Variants in CALCRL observed in about 807,000 individuals in gnomAD.
CALCRL encodes calcitonin gene-related peptide type 1 receptor.
Under a neutral mutation model 60.4 loss-of-function variants are expected in CALCRL, and 27 were observed. The ratio of observed to expected loss-of-function variants is 0.45; its 90% confidence interval spans 0.33 to 0.62. The LOEUF (loss-of-function observed/expected upper bound fraction) is 0.62. Among genes scored for constraint, CALCRL ranks in the 20% least tolerant of loss-of-function variants. CALCRL has a pLI of 0.03. For synonymous variants in CALCRL, 190 were observed against 182.6 expected (o/e 1.04, Z -0.33); for missense variants, 424 against 540.7 (o/e 0.78, Z 2.14).
intron 1 of CALCRL, among the ~76,000 whole-genome samples, chr2:187,426,157 A>G (rs559618880): frequency 6.6e-6 from 1 of 152,102 alleles, no homozygotes; most frequent in African/African-American, 2.4e-5. Flanking sequence ...GGAGCAAGAA[A>G]GAAGATAAAG....
chr2:187,443,558 AT>A (rs1251127447), intron 1 of CALCRL, among the ~76,000 whole-genome samples: 2 of 151,658 alleles, frequency 1.3e-5, no homozygotes, highest in African/African-American at 2.4e-5. Flanking sequence ...ATAAATGCAT[AT>A]TTTTTCTTAA....
intron 1 of CALCRL, among the ~76,000 whole-genome samples, chr2:187,426,263 G>A (rs955795692): frequency 1.1e-4 from 16 of 149,090 alleles, no homozygotes; most frequent in Admixed American, 9.4e-4. Flanking sequence ...TTGCAGACGT[G>A]TGCATTGCTG....
At chr2:187,383,338 C>A (rs747189957) in intron 4 of CALCRL, 33 bp from the exon 5 acceptor site, 52 of 1,558,556 alleles carry the variant, frequency 3.3e-5, no homozygotes, top group Non-Finnish European at 4.2e-5. Context: ...ACATCAACTT[C>A]ATGAAAAGGA....
At chr2:187,422,272 G>A (rs1689908414) in intron 1 of CALCRL, among the ~76,000 whole-genome samples, 1 of 152,168 alleles carries the variant, frequency 6.6e-6, no homozygotes, top group Non-Finnish European at 1.5e-5. Flanking sequence ...AATGAACAGA[G>A]TGATTTATGG....
At position 187,379,014 on chromosome 2, in the gene CALCRL, A is replaced by C; in HGVS notation, c.426T>G (p.Phe142Leu). The C allele has an allele frequency of 2.5e-6, 4 of 1,605,772 alleles. No homozygotes were observed. The highest frequency in any genetic ancestry group is 3.4e-6 in the Non-Finnish European group (4 of 1,174,096). The change falls in exon 8 of 15, where the codon TTT becomes TTG. Residue 142 changes from phenylalanine to leucine, a missense_variant. By Grantham distance (22) the Phe-to-Leu change is conservative (BLOSUM62 0). This residue lies in a region of CALCRL where 43 missense variants were observed against 46.6 expected (regional missense o/e 0.92). Coordinates refer to ENST00000392370, the MANE Select transcript of CALCRL (RefSeq NM_005795.6). ...HEKVKTALNL[F>L]YLTIIGHGLS... Reference sequence around the variant, plus strand: ...ATCCGTGTCCAATTATGGTCAGGTAAAACAAATTTAGTGCAGTCTGTAATT... The same window carrying C: ...ATCCGTGTCCAATTATGGTCAGGTACAACAAATTTAGTGCAGTCTGTAATT...
intron 1 of CALCRL, among the ~76,000 whole-genome samples, chr2:187,424,324 A>G (rs750322392): frequency 2.6e-5 from 4 of 151,996 alleles, no homozygotes; most frequent in East Asian, 1.9e-4. Context: ...TTTGTGAGCT[A>G]TCTACAGCAA....
At chr2:187,445,696 C>A (rs1281744341) in intron 1 of CALCRL, among the ~76,000 whole-genome samples, 1 of 151,258 alleles carries the variant, frequency 6.6e-6, no homozygotes, top group East Asian at 1.9e-4. Flanking sequence ...AATCATTTTA[C>A]CTTTATATTA....
chr2:187,390,398 C>T (rs71432490), intron 1 of CALCRL, among the ~76,000 whole-genome samples: 13 of 152,002 alleles, frequency 8.6e-5, no homozygotes, highest in Non-Finnish European at 1.2e-4. Flanking sequence ...TAATGATTTA[C>T]GCATGAGTCA....
At chr2:187,393,247 G>T (rs1157286769) in intron 1 of CALCRL, among the ~76,000 whole-genome samples, 1 of 152,022 alleles carries the variant, frequency 6.6e-6, no homozygotes, top group Non-Finnish European at 1.5e-5. Flanking sequence ...TTTTGGAGAA[G>T]AATTTAGGAA....
intron 1 of CALCRL, among the ~76,000 whole-genome samples, chr2:187,411,432 T>C (rs1320890572): frequency 6.6e-6 from 1 of 152,082 alleles, no homozygotes; most frequent in Non-Finnish European, 1.5e-5. Flanking sequence ...AGATCCCGTA[T>C]CCAACAGCAG....
At chr2:187,396,092 C>T (rs934544199) in intron 1 of CALCRL, among the ~76,000 whole-genome samples, 1 of 151,326 alleles carries the variant, frequency 6.6e-6, no homozygotes, top group Non-Finnish European at 1.5e-5. Context: ...ATGTCTCCTA[C>T]TACCTAATAG....
chr2:187,423,094 C>T (rs1404614213), intron 1 of CALCRL, among the ~76,000 whole-genome samples: 1 of 151,866 alleles, frequency 6.6e-6, no homozygotes, highest in Non-Finnish European at 1.5e-5. Flanking sequence ...CCTTATTTCT[C>T]GTTTAAAATT....
intron 12 of CALCRL, among the ~76,000 whole-genome samples, chr2:187,353,228 G>A (rs1302848382): frequency 6.6e-6 from 1 of 151,736 alleles, no homozygotes; most frequent in Non-Finnish European, 1.5e-5. Flanking sequence ...TTTTCTCTAT[G>A]CCCATTCCTT....
At chr2:187,358,899 A>G (rs989970545) in intron 12 of CALCRL, among the ~76,000 whole-genome samples, 164 bp downstream of exon 12, 1 of 152,116 alleles carries the variant, frequency 6.6e-6, no homozygotes, top group African/African-American at 2.4e-5. Flanking sequence ...TTTCCTGCGC[A>G]TACATCAGAT....
rs1464426235 is a variant in CALCRL, at chr2:187,342,877, C to T, written c.*3307G>A. 6.6e-6 allele frequency among the ~76,000 whole-genome samples: 1 copy of T among 151,454 alleles called. No individual in the cohort carries two copies. Among genetic ancestry groups the T allele is most frequent in the Non-Finnish European group, 1.5e-5 (1 of 67,562 alleles). ...AATGAGTTAAACGAAATCTTTGAAA[C>T]ATTTTCATTTTATATTTGTGTGAGA... is the stretch of plus-strand genomic sequence containing the variant. On this transcript the variant is annotated 3_prime_UTR_variant, in exon 15 of 15. Transcript: ENST00000392370.
chr2:187,429,514 T>C (rs559487492), intron 1 of CALCRL, among the ~76,000 whole-genome samples: 16 of 152,318 alleles, frequency 1.1e-4, no homozygotes, highest in Non-Finnish European at 1.6e-4. Context: ...GAGCTAAGAC[T>C]GGGAGCCCCC....
chr2:187,353,191 C>T (rs1686610204), intron 12 of CALCRL, among the ~76,000 whole-genome samples: 1 of 151,866 alleles, frequency 6.6e-6, no homozygotes, highest in Non-Finnish European at 1.5e-5. Context: ...TTATTTTCAC[C>T]CAGTCAATAT....
intron 1 of CALCRL, among the ~76,000 whole-genome samples, chr2:187,395,712 T>C (rs912423819): frequency 1.3e-5 from 2 of 151,950 alleles, no homozygotes; most frequent in African/African-American, 4.8e-5. Context: ...GCTTACTTCA[T>C]TGATTTCAAA....
chr2:187,414,579 A>C (rs534085558), intron 1 of CALCRL, among the ~76,000 whole-genome samples: 20 of 152,298 alleles, frequency 1.3e-4, no homozygotes, highest in Middle Eastern at 6.8e-3. Flanking sequence ...CCTAAACTCA[A>C]AGTATATATG....
Sources: allele counts gnomAD v4.1 joint callset (sites outside exome capture counted in the v4.1 genomes callset), GRCh38; gene constraint gnomAD v4.1.1; regional missense constraint gnomAD v4.1.1; transcripts MANE v1.5; gene names NCBI Gene and HGNC (gene_info 2026-07-23, HGNC 2026-07-21).